PDE4D: variants seen among roughly 807,000 people sequenced by gnomAD.
The protein encoded by PDE4D is 3',5'-cyclic-AMP phosphodiesterase 4D.
Under a neutral mutation model 87.4 loss-of-function variants are expected in PDE4D, and 24 were observed. The observed-to-expected ratio is 0.27, with a 90% CI of 0.20 to 0.39. PDE4D has a LOEUF of 0.39. PDE4D is among the 10% of genes least tolerant of loss of function. The pLI is 1.00. For missense variants in PDE4D, 714 were observed against 1,041.0 expected, an observed-to-expected ratio of 0.69 and a Z score of 4.32; for synonymous variants, 384 against 383.2, an observed-to-expected ratio of 1.00 and a Z score of -0.02.
intron 5 of PDE4D, among the ~76,000 whole-genome samples, chr5:59,069,277 C>T (rs1183250242): frequency 6.6e-6 from 1 of 152,142 alleles, no homozygotes; most frequent in East Asian, 1.9e-4. Flanking sequence ...AGACTTGGTT[C>T]ATTAAGATTA....
intron 1 of PDE4D, among the ~76,000 whole-genome samples, chr5:59,285,913 T>C (rs559426072): frequency 8.0e-4 from 122 of 152,300 alleles, no homozygotes; most frequent in Non-Finnish European, 1.5e-3. Flanking sequence ...TTAAGAACCT[T>C]ATCTGGAGCC....
intron 2 of PDE4D, among the ~76,000 whole-genome samples, chr5:60,036,233 A>G (rs1170707809): frequency 6.6e-6 from 1 of 152,232 alleles, no homozygotes; most frequent in African/African-American, 2.4e-5. Context: ...TGAGGTACAC[A>G]TAGCTTAAAA....
At chr5:60,080,530 C>T (rs1381096970) in intron 2 of PDE4D, among the ~76,000 whole-genome samples, 1 of 152,160 alleles carries the variant, frequency 6.6e-6, no homozygotes, top group Non-Finnish European at 1.5e-5. Flanking sequence ...TCATAATTAA[C>T]TCTCATTATT....
At chr5:60,097,983 T>A (rs1274921425) in intron 2 of PDE4D, among the ~76,000 whole-genome samples, 1 of 151,916 alleles carries the variant, frequency 6.6e-6, no homozygotes, top group Non-Finnish European at 1.5e-5. Flanking sequence ...AAATAGGATT[T>A]CTTACTTAGC....
At chr5:59,543,670 A>ATG (rs200627490) in intron 1 of PDE4D, among the ~76,000 whole-genome samples, 1,667 of 152,144 alleles carry the variant, frequency 0.011, 33 homozygotes, top group African/African-American at 0.038. Flanking sequence ...TCACAAGTCA[A>ATG]TGTGTCTCCT....
intron 2 of PDE4D, among the ~76,000 whole-genome samples, chr5:60,141,385 C>T (rs1696792288): frequency 6.6e-6 from 1 of 152,108 alleles, no homozygotes; most frequent in Admixed American, 6.6e-5. Context: ...CTGAGTATCT[C>T]TTGGAAAGAA....
At chr5:59,399,161 G>T (rs1296747409) in intron 1 of PDE4D, among the ~76,000 whole-genome samples, 2 of 135,410 alleles carry the variant, frequency 1.5e-5, no homozygotes, top group African/African-American at 5.4e-5. Flanking sequence ...ATTGCCCAAG[G>T]TAATTTAAAG....
At chr5:60,135,098 A>T (rs1396050943) in intron 2 of PDE4D, among the ~76,000 whole-genome samples, 1 of 152,182 alleles carries the variant, frequency 6.6e-6, no homozygotes, top group African/African-American at 2.4e-5. Context: ...CTAATCACTA[A>T]TGTGATAATA....
chr5:59,146,841 C>T (rs1275013714), intron 5 of PDE4D, among the ~76,000 whole-genome samples: 8 of 152,102 alleles, frequency 5.3e-5, no homozygotes, highest in Admixed American at 3.3e-4. Context: ...GTATACTCCC[C>T]ACTGAACACC....
chr5:59,274,225 T>C (rs1408571189), intron 1 of PDE4D, among the ~76,000 whole-genome samples: 1 of 152,144 alleles, frequency 6.6e-6, no homozygotes, highest in East Asian at 1.9e-4. Context: ...TGTTATTTTG[T>C]AAGAAATGGC....
intron 1 of PDE4D, among the ~76,000 whole-genome samples, chr5:59,352,521 G>C (rs1024244047): frequency 6.6e-6 from 1 of 152,100 alleles, no homozygotes; most frequent in Non-Finnish European, 1.5e-5. Context: ...GTGCAGTTTG[G>C]TTGGGCAATC....
intron 1 of PDE4D, among the ~76,000 whole-genome samples, chr5:59,360,221 C>A (rs1424967507): frequency 6.6e-6 from 1 of 152,084 alleles, no homozygotes; most frequent in East Asian, 1.9e-4. Context: ...CAATTACTTG[C>A]GCATCAAGTC....
At chr5:59,992,908 T>C (rs910868764) in intron 2 of PDE4D, among the ~76,000 whole-genome samples, 2 of 152,142 alleles carry the variant, frequency 1.3e-5, no homozygotes, top group African/African-American at 4.8e-5. Flanking sequence ...TCAATGTGTA[T>C]CAGTTATGGT....
At chr5:60,004,228 T>C (rs1218451566) in intron 2 of PDE4D, among the ~76,000 whole-genome samples, 4 of 152,152 alleles carry the variant, frequency 2.6e-5, no homozygotes, top group Non-Finnish European at 4.4e-5. Flanking sequence ...AAATATTTTC[T>C]ACATATGGAT....
intron 6 of PDE4D, among the ~76,000 whole-genome samples, chr5:59,015,819 T>G (rs10042733): frequency 0.1 from 15,470 of 152,024 alleles, 1,033 homozygotes; most frequent in Non-Finnish European, 0.13. Context: ...AAAGACACAT[T>G]CACATGTATG....
intron 2 of PDE4D, among the ~76,000 whole-genome samples, chr5:60,139,975 C>T (rs890033294): frequency 1.3e-5 from 2 of 151,950 alleles, no homozygotes; most frequent in African/African-American, 2.4e-5. Context: ...GTATACACTG[C>T]CTCTTAATCA....
intron 1 of PDE4D, among the ~76,000 whole-genome samples, chr5:59,404,664 TA>T (rs141310449): frequency 0.33 from 44,667 of 136,946 alleles, 6,871 homozygotes; most frequent in South Asian, 0.49. Flanking sequence ...AGACTCTGTC[TA>T]AAAAAAAAAA....
intron 2 of PDE4D, among the ~76,000 whole-genome samples, chr5:60,065,119 G>C (rs1562047345): frequency 6.6e-6 from 1 of 152,020 alleles, no homozygotes; most frequent in Non-Finnish European, 1.5e-5. Context: ...CAACTCAAAA[G>C]GATTCAGAAA....
At chr5:59,079,881 A>AGAGGAGAGGAGAGGG (rs1766410848) in intron 5 of PDE4D, among the ~76,000 whole-genome samples, 1 of 101,326 alleles carries the variant, frequency 9.9e-6, no homozygotes, top group Non-Finnish European at 2.0e-5. Flanking sequence ...AGAGGAGAGG[A>AGAGGAGAGGAGAGGG]GAAGGGGAAT....
Sources: allele counts gnomAD v4.1 joint callset (sites outside exome capture counted in the v4.1 genomes callset), GRCh38; gene constraint gnomAD v4.1.1; transcripts MANE v1.5; gene names NCBI Gene and HGNC (gene_info 2026-07-23, HGNC 2026-07-21).